NAALADL2: variants seen among roughly 807,000 people sequenced by gnomAD.
NAALADL2 encodes the protein inactive N-acetylated-alpha-linked acidic dipeptidase-like protein 2.
In NAALADL2, 76 loss-of-function variants were observed where a neutral mutation model predicts 87.2. The observed-to-expected ratio is 0.87, with a 90% CI of 0.72 to 1.05. NAALADL2 has a LOEUF of 1.05. NAALADL2 is among the 50% of genes least tolerant of loss of function. The probability of loss-of-function intolerance (pLI) is 0.00; values close to 1 mark genes in which losing one functional copy is unlikely to be tolerated. For missense variants in NAALADL2, 1,089 were observed against 945.8 expected (o/e 1.15, Z -1.99); for synonymous variants, 354 against 331.0 (o/e 1.07, Z -0.75).
intron 2 of NAALADL2, among the ~76,000 whole-genome samples, chr3:175,203,702 T>C (rs779584807): frequency 2.5e-5 from 3 of 119,540 alleles, no homozygotes; most frequent in Non-Finnish European, 6.1e-5. Flanking sequence ...TTTAGCAAGA[T>C]TAACCAAGAA....
chr3:175,134,519 T>A (rs1728779692), intron 2 of NAALADL2, among the ~76,000 whole-genome samples: 1 of 152,208 alleles, frequency 6.6e-6, no homozygotes, highest in African/African-American at 2.4e-5. Flanking sequence ...GTATTTTGTG[T>A]GCATAATCTC....
chr3:175,147,777 T>C (rs11718447), intron 2 of NAALADL2, among the ~76,000 whole-genome samples: 45,708 of 151,970 alleles, frequency 0.3, 7,102 homozygotes, highest in South Asian at 0.35. Context: ...TTTTTAATAA[T>C]ACCCATTTTC....
intron 1 of NAALADL2, among the ~76,000 whole-genome samples, chr3:174,449,878 TA>T (rs1427988670): frequency 2.0e-5 from 3 of 152,194 alleles, no homozygotes; most frequent in Non-Finnish European, 4.4e-5. Context: ...TTCTGTTACC[TA>T]AATGTTCCAC....
At chr3:175,246,098 T>C (rs1747924969) in intron 3 of NAALADL2, among the ~76,000 whole-genome samples, 1 of 152,192 alleles carries the variant, frequency 6.6e-6, no homozygotes. Context: ...AATATAATTC[T>C]AACAGTCTTT....
At chr3:175,363,407 C>T (rs1248911356) in intron 5 of NAALADL2, among the ~76,000 whole-genome samples, 1 of 147,504 alleles carries the variant, frequency 6.8e-6, no homozygotes, top group Non-Finnish European at 1.5e-5. Context: ...TCTATTTAAA[C>T]ATAAAATACC....
intron 3 of NAALADL2, among the ~76,000 whole-genome samples, chr3:174,830,967 G>T (rs1346882752): frequency 2.7e-5 from 4 of 150,244 alleles, no homozygotes; most frequent in South Asian, 2.1e-4. Flanking sequence ...TGTATCCTGA[G>T]ACTTTGCTGA....
chr3:174,669,350 T>C (rs1726301233), intron 2 of NAALADL2, among the ~76,000 whole-genome samples: 2 of 152,138 alleles, frequency 1.3e-5, no homozygotes, highest in Admixed American at 1.3e-4. Flanking sequence ...AAAAATTTTC[T>C]CCCATTCTGT....
chr3:175,327,979 A>G (rs146235155), intron 5 of NAALADL2, among the ~76,000 whole-genome samples: 3,523 of 152,306 alleles, frequency 0.023, 113 homozygotes, highest in African/African-American at 0.082. Flanking sequence ...TGGATTAGGA[A>G]TCTTTGCGGA....
chr3:174,835,140 A>G (rs565086453), intron 3 of NAALADL2, among the ~76,000 whole-genome samples: 9 of 152,186 alleles, frequency 5.9e-5, no homozygotes, highest in Non-Finnish European at 1.0e-4. Context: ...AAATGTACAC[A>G]TATATAGTGA....
At chr3:174,461,414 C>T (rs950189573) in intron 1 of NAALADL2, among the ~76,000 whole-genome samples, 1 of 151,898 alleles carries the variant, frequency 6.6e-6, no homozygotes, top group Non-Finnish European at 1.5e-5. Context: ...TTGTAGGAAA[C>T]GATGGGTAGT....
At chr3:174,526,865 C>T (rs913239400) in intron 1 of NAALADL2, among the ~76,000 whole-genome samples, 2 of 151,698 alleles carry the variant, frequency 1.3e-5, no homozygotes, top group African/African-American at 2.4e-5. Flanking sequence ...TTATTGGAGA[C>T]GGGATTTTAC....
At chr3:175,633,278 C>T (rs1240522852) in intron 11 of NAALADL2, among the ~76,000 whole-genome samples, 1 of 152,006 alleles carries the variant, frequency 6.6e-6, no homozygotes, top group Non-Finnish European at 1.5e-5. Context: ...TTGGCTTGTT[C>T]CTCATTACTT....
rs745800872 is a variant in NAALADL2 at position 174,527,225 on chromosome 3, G to C, written c.-183-23344G>C. 1.9e-4 allele frequency among the ~76,000 whole-genome samples: 29 copies of C among 152,040 alleles called. 1 individual carries two copies. Among genetic ancestry groups the C allele is most frequent in the Non-Finnish European group, 3.4e-4 (23 of 67,968 alleles). The stretch of plus-strand genomic sequence containing the variant: ...AGAAAACAGACATATATCAGTGATA[G>C]AAAAGAAGGTCTTGGCTGGGCGCAG... On this transcript the variant is annotated intron_variant, in intron 1 of 3. Coordinates refer to the NAALADL2 transcript ENST00000434257.
intron 2 of NAALADL2, among the ~76,000 whole-genome samples, chr3:174,551,734 A>G (rs1712150835): frequency 2.0e-5 from 3 of 152,208 alleles, no homozygotes; most frequent in Non-Finnish European, 2.9e-5. Flanking sequence ...TATGAAATCA[A>G]TTGCATATTG....
chr3:174,533,945 A>G (rs1721478935), intron 1 of NAALADL2, among the ~76,000 whole-genome samples: 1 of 152,200 alleles, frequency 6.6e-6, no homozygotes, highest in Non-Finnish European at 1.5e-5. Context: ...AAGTCATGCA[A>G]TTGTTGTGGT....
intron 1 of NAALADL2, among the ~76,000 whole-genome samples, chr3:175,001,458 A>G (rs1748220277): frequency 6.6e-6 from 1 of 152,160 alleles, no homozygotes; most frequent in Admixed American, 6.5e-5. Context: ...TGATTGGTGT[A>G]AAGGATTCTC....
At chr3:175,635,370 C>A (rs991305271) in intron 11 of NAALADL2, among the ~76,000 whole-genome samples, 9 of 151,976 alleles carry the variant, frequency 5.9e-5, no homozygotes, top group African/African-American at 1.9e-4. Context: ...GTGTTATTAA[C>A]ACTTATTAAG....
At chr3:174,443,581 A>G (rs867074092) in intron 1 of NAALADL2, among the ~76,000 whole-genome samples, 1 of 152,230 alleles carries the variant, frequency 6.6e-6, no homozygotes, top group Admixed American at 6.5e-5. Context: ...AGCTAATGGC[A>G]TACATTTAGG....
chr3:174,441,754 A>G (rs1455632184), intron 1 of NAALADL2, among the ~76,000 whole-genome samples: 6 of 108,620 alleles, frequency 5.5e-5, no homozygotes, highest in East Asian at 2.8e-4. Context: ...TTTCCTTTGT[A>G]TTGCGTCTCT....
Sources: gnomAD v4.1 joint callset for allele counts (sites outside exome capture counted in the v4.1 genomes callset) on GRCh38, gnomAD v4.1.1 for gene constraint, MANE v1.5 for transcripts, NCBI Gene and HGNC (gene_info 2026-07-23, HGNC 2026-07-21) for gene names.